PDE5A: variants seen among roughly 807,000 people sequenced by gnomAD.
PDE5A encodes cGMP-specific 3',5'-cyclic phosphodiesterase.
PDE5A carries 67 observed loss-of-function variants against 110.2 expected under a neutral mutation model. That is an observed-to-expected ratio of 0.61 (90% CI 0.50 to 0.75). The LOEUF (loss-of-function observed/expected upper bound fraction) is 0.75, where lower values mean the gene tolerates loss of function less well. Among genes scored for constraint, PDE5A ranks in the 30% least tolerant of loss-of-function variants. The pLI is 0.00. For missense variants in PDE5A, 862 were observed against 1,045.1 expected (o/e 0.82, Z 2.42); for synonymous variants, 328 against 351.2 (o/e 0.93, Z 0.74).
chr4:119,548,326 G>A (rs1578764493), intron 9 of PDE5A: 1 of 152,188 alleles, frequency 6.6e-6, no homozygotes, highest in East Asian at 1.9e-4. Context: ...GGGATTACAG[G>A]CGTGAGCCAC....
intron 14 of PDE5A, chr4:119,512,541 A>G (rs981865241): frequency 1.3e-5 from 2 of 152,294 alleles, no homozygotes; most frequent in African/African-American, 4.8e-5. Flanking sequence ...GAGAGCCTGG[A>G]TTAGAGTGGT....
intron 12 of PDE5A, among the ~76,000 whole-genome samples, chr4:119,523,880 A>G (rs1560601302): frequency 6.6e-6 from 1 of 152,084 alleles, no homozygotes; most frequent in Non-Finnish European, 1.5e-5. Flanking sequence ...ATATAGGTTT[A>G]TAAAGTCCTG....
intron 4 of PDE5A, 136 bp from the exon 5 acceptor site, chr4:119,565,546 T>TA: frequency 3.1e-6 from 2 of 643,022 alleles, no homozygotes; most frequent in Non-Finnish European, 5.5e-6. Context: ...ATTAGGATGA[T>TA]ATAAACTAAG....
chr4:119,604,817 A>G (rs1344918793), intron 2 of PDE5A, among the ~76,000 whole-genome samples: 3 of 152,138 alleles, frequency 2.0e-5, no homozygotes, highest in African/African-American at 7.2e-5. Flanking sequence ...AGTTCAGCAG[A>G]TTCTATTAGG....
chr4:119,563,587 G>C (rs969811179), intron 5 of PDE5A, among the ~76,000 whole-genome samples: 7 of 152,084 alleles, frequency 4.6e-5, no homozygotes, highest in African/African-American at 1.7e-4. Flanking sequence ...AAATAGGGAA[G>C]AGAAATATTT....
intron 3 of PDE5A, among the ~76,000 whole-genome samples, chr4:119,586,764 A>C (rs565707698): frequency 6.6e-6 from 1 of 152,338 alleles, no homozygotes; most frequent in South Asian, 2.1e-4. Flanking sequence ...TGCATTCCAA[A>C]AAGTGCTGGA....
chr4:119,594,229 C>T (rs1018149680), intron 3 of PDE5A, among the ~76,000 whole-genome samples: 1 of 152,090 alleles, frequency 6.6e-6, no homozygotes, highest in Non-Finnish European at 1.5e-5. Flanking sequence ...AAAGGGCCAT[C>T]CTACTCACTT....
At chr4:119,516,487 A>G (rs1234568666) in intron 14 of PDE5A, among the ~76,000 whole-genome samples, 1 of 152,260 alleles carries the variant, frequency 6.6e-6, no homozygotes, top group Non-Finnish European at 1.5e-5. Context: ...TACTGAATGC[A>G]GACCTAATGC....
chr4:119,527,593 T>C (rs1451497723), intron 11 of PDE5A, among the ~76,000 whole-genome samples: 1 of 152,096 alleles, frequency 6.6e-6, no homozygotes, highest in Admixed American at 6.6e-5. Context: ...ATTTTACTAA[T>C]AGCAGGAAAT....
chr4:119,617,277 C>A (rs993186837), intron 1 of PDE5A, among the ~76,000 whole-genome samples: 2 of 152,088 alleles, frequency 1.3e-5, no homozygotes, highest in Non-Finnish European at 2.9e-5. Context: ...TGCCCTCTAT[C>A]TAGAAGTATT....
chr4:119,542,492 C>T lies in PDE5A; in HGVS notation c.1539G>A (p.Glu513=), dbSNP rs909999174. ...TGACCATTTGCTTGGCCATGGCTCTCTCCACTGCTTCATACATCTGCGTGT... is the reference window on the plus strand; with the variant it reads ...TGACCATTTGCTTGGCCATGGCTCTTTCCACTGCTTCATACATCTGCGTGT... ...IQNTQMYEAV[E]RAMAKQMVTL... Residue 513 remains glutamate, a synonymous_variant, in exon 10 of 21, where the codon GAG becomes GAA. Coordinates refer to ENST00000354960, the MANE Select transcript of PDE5A (RefSeq NM_001083.4). 12 of 1,613,808 alleles carry T rather than the reference C, an allele frequency of 7.4e-6. No homozygotes were observed. Among genetic ancestry groups the T allele is most frequent in the Admixed American group, 1.7e-5 (1 of 59,970 alleles).
At chr4:119,570,730 G>A (rs2110512371) in intron 3 of PDE5A, among the ~76,000 whole-genome samples, 1 of 152,174 alleles carries the variant, frequency 6.6e-6, no homozygotes, top group South Asian at 2.1e-4. Flanking sequence ...CCGGTTCAGG[G>A]GATGCTCAGC....
At chr4:119,567,549 G>T (rs1727986630) in intron 3 of PDE5A, among the ~76,000 whole-genome samples, 1 of 152,054 alleles carries the variant, frequency 6.6e-6, no homozygotes, top group Non-Finnish European at 1.5e-5. Context: ...TTCCAAAACG[G>T]CTAAATGCTC....
chr4:119,589,257 G>GA (rs397944587), intron 3 of PDE5A, among the ~76,000 whole-genome samples: 1,990 of 143,754 alleles, frequency 0.014, 41 homozygotes, highest in African/African-American at 0.046. Flanking sequence ...ATAATCTAGA[G>GA]AAAAAAAAAA....
chr4:119,555,170 T>C (rs1727494855), intron 7 of PDE5A, among the ~76,000 whole-genome samples: 1 of 152,210 alleles, frequency 6.6e-6, no homozygotes, highest in Non-Finnish European at 1.5e-5. Context: ...CCCTTTGTTG[T>C]ACATTTTACT....
intron 2 of PDE5A, among the ~76,000 whole-genome samples, chr4:119,601,345 G>A (rs1465605421): frequency 2.0e-5 from 3 of 151,988 alleles, no homozygotes; most frequent in African/African-American, 7.3e-5. Flanking sequence ...ATAAAAAGCT[G>A]GGAAAAATGA....
chr4:119,592,488 G>T (rs1313254245), intron 3 of PDE5A, among the ~76,000 whole-genome samples: 1 of 76,850 alleles, frequency 1.3e-5, no homozygotes, highest in South Asian at 3.7e-4. Flanking sequence ...AAAAAAAAAA[G>T]CTGTGTTCTG....
At chr4:119,528,300 T>A (rs895250397) in intron 11 of PDE5A, among the ~76,000 whole-genome samples, 1 of 152,038 alleles carries the variant, frequency 6.6e-6, no homozygotes, top group Non-Finnish European at 1.5e-5. Flanking sequence ...ACTCTGGACA[T>A]GAAAAGTCAC....
In PDE5A at chr4:119,627,252, C is replaced by CAGGTGAGGTG; in HGVS notation, c.152+1258_152+1267dup. The CAGGTGAGGTG allele has an allele frequency of 1.2e-6, 2 of 1,602,742 alleles. No individual in the cohort carries two copies. The highest frequency in any genetic ancestry group is 1.7e-6 in the Non-Finnish European group (2 of 1,174,144). ...GGCTCCGTAGGGGCAACAACGCGCG[C>CAGGTGAGGTG]AGGTGAGGTGAGGTGAGGTCGGCGA... is the stretch of plus-strand genomic sequence containing the variant. On this transcript the variant is annotated intron_variant, in intron 1 of 20. Coordinates refer to ENST00000354960, the MANE Select transcript of PDE5A (RefSeq NM_001083.4). The surrounding 1 kb of genome is among the most constrained non-coding windows in gnomAD (Gnocchi z 4.6).
Sources: gnomAD v4.1 joint callset for allele counts (sites outside exome capture counted in the v4.1 genomes callset) on GRCh38, gnomAD v4.1.1 for gene constraint, Gnocchi (gnomAD v3.1) non-coding constraint, MANE v1.5 for transcripts, NCBI Gene and HGNC (gene_info 2026-07-23, HGNC 2026-07-21) for gene names.